Variants in OCM observed in about 807,000 individuals in gnomAD.
The protein encoded by OCM is oncomodulin.
OCM carries 18 observed loss-of-function variants against 14.1 expected under a neutral mutation model. That is an observed-to-expected ratio of 1.28 (90% CI 0.88 to 1.89). The LOEUF is 1.89. Among genes scored for constraint, OCM ranks in the 40% most tolerant of loss-of-function variants. OCM has a pLI of 0.00. For missense variants in OCM, 140 were observed against 137.6 expected, an observed-to-expected ratio of 1.02 and a Z score of -0.09; for synonymous variants, 48 against 51.0, an observed-to-expected ratio of 0.94 and a Z score of 0.25.
the OCM span, among the ~76,000 whole-genome samples, chr7:5,861,560 G>C: frequency 6.6e-6 from 1 of 152,154 alleles, no homozygotes; most frequent in South Asian, 2.1e-4. Context: ...CGGAAGGAGA[G>C]CCAAGAGAGT....
the OCM span, among the ~76,000 whole-genome samples, chr7:5,860,387 G>C: frequency 0.029 from 4,071 of 138,216 alleles, 98 homozygotes; most frequent in Non-Finnish European, 0.042. Flanking sequence ...TATATCATTA[G>C]GTATATATAC....
At chr7:5,864,056 G>A in the OCM span, among the ~76,000 whole-genome samples, 1 of 151,946 alleles carries the variant, frequency 6.6e-6, no homozygotes, top group Admixed American at 6.6e-5. Context: ...GGGCAAAGAG[G>A]GGGCCAGGTG....
the OCM span, among the ~76,000 whole-genome samples, chr7:5,860,487 GTGTA>G: frequency 1.1e-5 from 1 of 94,166 alleles, no homozygotes; most frequent in African/African-American, 5.4e-5. Flanking sequence ...GTATATATAC[GTGTA>G]TATATATATT....
chr7:5,860,791 CAT>C, the OCM span, among the ~76,000 whole-genome samples: 3,028 of 96,068 alleles, frequency 0.032, 53 homozygotes, highest in Non-Finnish European at 0.037. Context: ...TGTATATATA[CAT>C]ATATATACAC....
At chr7:5,885,082 T>G (rs1368665046) in intron 3 of OCM, among the ~76,000 whole-genome samples, 1 of 150,516 alleles carries the variant, frequency 6.6e-6, no homozygotes, top group African/African-American at 2.4e-5. Flanking sequence ...ATGGCACCAT[T>G]GCACTCCAGC....
intron 2 of OCM, 77 bp downstream of exon 2, chr7:5,882,702 A>G: frequency 1.9e-6 from 3 of 1,552,770 alleles, no homozygotes; most frequent in Non-Finnish European, 8.7e-7. Flanking sequence ...CAGGTTGCTC[A>G]GTATTTCTTC....
At chr7:5,861,319 G>T in the OCM span, among the ~76,000 whole-genome samples, 1 of 152,020 alleles carries the variant, frequency 6.6e-6, no homozygotes, top group Non-Finnish European at 1.5e-5. Context: ...TACTTGGGAG[G>T]CTGAGGCAAG....
chr7:5,872,807 T>A, the OCM span, among the ~76,000 whole-genome samples: 1 of 151,838 alleles, frequency 6.6e-6, no homozygotes, highest in African/African-American at 2.4e-5. Context: ...GCTGACCTTC[T>A]CTCCACTATT....
At chr7:5,885,613 CTTT>C (rs917292765) in intron 3 of OCM, among the ~76,000 whole-genome samples, 6 of 138,330 alleles carry the variant, frequency 4.3e-5, no homozygotes, top group Non-Finnish European at 4.7e-5. Context: ...TCTTTCTTTC[CTTT>C]TTTTTTTTTT....
chr7:5,886,168 A>T lies in OCM; in HGVS notation c.*79A>T, dbSNP rs1781333100. 7.4e-7 allele frequency: 1 copy of T among 1,354,686 alleles called. No individual in the cohort carries two copies. The highest frequency in any genetic ancestry group is 1.4e-5 in the African/African-American group (1 of 69,246). 83.9% of individuals were successfully genotyped at this position (1,354,686 alleles called of 1,614,324 possible). A position where few individuals can be genotyped will look rare whatever the true frequency, so the allele number is the denominator to read the frequency against. The stretch of plus-strand genomic sequence containing the variant: ...CAAAGCCCTGGGAATGGGGAACCCC[A>T]CATCCCATCCCTACCTAATTTGTTA... On this transcript the variant is annotated 3_prime_UTR_variant, in exon 4 of 4. Coordinates refer to ENST00000242104, the MANE Select transcript of OCM (RefSeq NM_001097622.2).
chr7:5,861,291 C>T, the OCM span, among the ~76,000 whole-genome samples: 7 of 151,968 alleles, frequency 4.6e-5, no homozygotes, highest in Admixed American at 6.6e-5. Flanking sequence ...CTTGGTGCTG[C>T]GTGCCTGTAA....
At chr7:5,876,100 G>A (rs1256153328), upstream of OCM, among the ~76,000 whole-genome samples, 4 of 152,036 alleles carry the variant, frequency 2.6e-5, no homozygotes, top group Non-Finnish European at 4.4e-5. Flanking sequence ...CACCTCCCAG[G>A]TTCTAAGTGA....
chr7:5,874,374 A>T, the OCM span, among the ~76,000 whole-genome samples: 1 of 152,136 alleles, frequency 6.6e-6, no homozygotes, highest in Non-Finnish European at 1.5e-5. Context: ...TACATGATAT[A>T]CATATACATT....
chr7:5,878,875 T>TAAAAA (rs57901741), upstream of OCM, among the ~76,000 whole-genome samples: 1 of 102,024 alleles, frequency 9.8e-6, no homozygotes, highest in African/African-American at 3.7e-5. Context: ...TGCTGAAAGT[T>TAAAAA]AAAAAAAAAA....
chr7:5,872,468 C>G, the OCM span, among the ~76,000 whole-genome samples: 1 of 152,124 alleles, frequency 6.6e-6, no homozygotes, highest in Non-Finnish European at 1.5e-5. Flanking sequence ...AATAAACATT[C>G]TTGTAACTCT....
At chr7:5,883,211 C>T (rs1438754082) in intron 2 of OCM, among the ~76,000 whole-genome samples, 4 of 152,130 alleles carry the variant, frequency 2.6e-5, no homozygotes, top group Admixed American at 2.6e-4. Flanking sequence ...CTTGGCTAAG[C>T]GCAGTGGCTC....
At chr7:5,884,409 C>T (rs1030342546) in intron 3 of OCM, among the ~76,000 whole-genome samples, 14 of 152,132 alleles carry the variant, frequency 9.2e-5, no homozygotes, top group African/African-American at 2.4e-4. Flanking sequence ...CATTGGCATG[C>T]GTAGGAAGCC....
rs1781242761 is a variant in OCM, at chr7:5,882,633, T to A, written c.194+8T>A. 1 of 1,613,794 alleles carries A rather than the reference T, an allele frequency of 6.2e-7. No homozygotes were observed. Among genetic ancestry groups the A allele is most frequent in the Admixed American group, 1.7e-5 (1 of 59,954 alleles). The stretch of plus-strand genomic sequence containing the variant: ...GGATGAAGAAGAGCTTAAGTAAGCT[T>A]TGTCCTGAGTCTGTCTGGTACCCGG... On this transcript the variant is annotated splice_region_variant and intron_variant, in intron 2 of 3. Coordinates refer to ENST00000242104, the MANE Select transcript of OCM (RefSeq NM_001097622.2).
chr7:5,862,532 C>T, the OCM span, among the ~76,000 whole-genome samples: 2 of 152,172 alleles, frequency 1.3e-5, no homozygotes, highest in African/African-American at 2.4e-5. Context: ...AGGACAAGAT[C>T]GTAAATCATC....
Sources: gnomAD v4.1 joint callset for allele counts (sites outside exome capture counted in the v4.1 genomes callset) on GRCh38, gnomAD v4.1.1 for gene constraint, MANE v1.5 for transcripts, NCBI Gene and HGNC (gene_info 2026-07-23, HGNC 2026-07-21) for gene names.